Variants in KLRD1 observed in about 807,000 individuals in gnomAD.
KLRD1 encodes the protein natural killer cells antigen CD94.
KLRD1 carries 21 observed loss-of-function variants against 22.6 expected under a neutral mutation model. That is an observed-to-expected ratio of 0.93 (90% CI 0.66 to 1.34). The LOEUF is 1.34. KLRD1 is among the 40% of genes most tolerant of loss of function. The probability of loss-of-function intolerance (pLI) is 0.00; values close to 1 mark genes in which losing one functional copy is unlikely to be tolerated. For synonymous variants in KLRD1, 59 were observed against 71.1 expected (o/e 0.83, Z 0.85); for missense variants, 183 against 208.6 (o/e 0.88, Z 0.76).
intron 1 of KLRD1, among the ~76,000 whole-genome samples, chr12:10,243,085 T>A (rs1295375726): frequency 6.6e-6 from 1 of 152,080 alleles, no homozygotes; most frequent in Non-Finnish European, 1.5e-5. Context: ...AAAGTCAAAC[T>A]TCTAGAAGTA....
chr12:10,245,452 T>C (rs1949282194), intron 1 of KLRD1, among the ~76,000 whole-genome samples: 1 of 152,222 alleles, frequency 6.6e-6, no homozygotes, highest in South Asian at 2.1e-4. Flanking sequence ...AAGAAAGGTT[T>C]ATTCCATTTC....
intron 1 of KLRD1, among the ~76,000 whole-genome samples, chr12:10,278,903 T>C (rs567998509): frequency 1.6e-4 from 24 of 151,888 alleles, no homozygotes; most frequent in Non-Finnish European, 2.6e-4. Flanking sequence ...TTAAATATGA[T>C]AAATGGCTTC....
At chr12:10,249,335 G>A (rs1949323471) in intron 1 of KLRD1, among the ~76,000 whole-genome samples, 2 of 152,142 alleles carry the variant, frequency 1.3e-5, no homozygotes, top group African/African-American at 4.8e-5. Flanking sequence ...AGGAGAAACA[G>A]TATTGAATTG....
chr12:10,295,501 A>AT (rs11383297), intron 1 of KLRD1, among the ~76,000 whole-genome samples: 128,022 of 150,364 alleles, frequency 0.85, 55,817 homozygotes, highest in Middle Eastern at 0.94. Context: ...CAGGTATCCC[A>AT]TTTTTTTTTG....
chr12:10,289,209 C>T (rs1949741399), intron 1 of KLRD1, among the ~76,000 whole-genome samples: 1 of 152,174 alleles, frequency 6.6e-6, no homozygotes, highest in South Asian at 2.1e-4. Flanking sequence ...CTAAAGGCCA[C>T]CCAACAGTTC....
Position 10,307,978 on chromosome 12 carries a change from ATTC to A in KLRD1, c.-97_-95del, listed in dbSNP as rs1200986051. ...AAATTTCTTCATACTCAACTTTCAG[ATTC>A]TTTAATCTCCAGCTCAGCTTCAACA... On this transcript the variant is annotated 5_prime_UTR_variant, in exon 1 of 6. Transcript: ENST00000336164. 3.0e-5 allele frequency: 32 copies of A among 1,071,312 alleles called. No individual in the cohort carries two copies. The highest frequency in any genetic ancestry group is 1.9e-4 in the South Asian group (14 of 74,982). The allele number at this position is 1,071,312 out of a possible 1,614,324, so 66.4% of individuals were successfully genotyped here. A position where few individuals can be genotyped will look rare whatever the true frequency, so the allele number is the denominator to read the frequency against.
chr12:10,245,424 T>C (rs1949281798), intron 1 of KLRD1, among the ~76,000 whole-genome samples: 1 of 152,150 alleles, frequency 6.6e-6, no homozygotes, highest in Admixed American at 6.5e-5. Context: ...AGCTAGCAAT[T>C]GGAACAACTA....
chr12:10,270,241 A>G (rs1565454636), intron 1 of KLRD1, among the ~76,000 whole-genome samples: 1 of 152,222 alleles, frequency 6.6e-6, no homozygotes, highest in Non-Finnish European at 1.5e-5. Context: ...CTTGTATATA[A>G]TTAAAATAAC....
chr12:10,245,674 T>TA lies in KLRD1; in HGVS notation c.-101+19442dup, dbSNP rs113488882. Among the ~76,000 whole-genome samples, 677 of 152,320 alleles carry TA rather than the reference T, an allele frequency of 4.4e-3. 10 individuals are homozygous for TA. The highest frequency in any genetic ancestry group is 0.015 in the African/African-American group (641 of 41,558). On this transcript the variant is annotated intron_variant, in intron 1 of 5. Transcript: ENST00000544747. ...TCTACTTGTCCTCATTGAGCCAACATATAGATAATGACGTATGATTAAATT... is the reference window on the plus strand; with the variant it reads ...TCTACTTGTCCTCATTGAGCCAACATAATAGATAATGACGTATGATTAAATT...
At chr12:10,299,182 G>T (rs11837211) in intron 1 of KLRD1, among the ~76,000 whole-genome samples, 17 of 142,618 alleles carry the variant, frequency 1.2e-4, no homozygotes, top group African/African-American at 3.1e-4. Flanking sequence ...TCCATTCTGC[G>T]TTTTTTTTTT....
intron 1 of KLRD1, among the ~76,000 whole-genome samples, chr12:10,248,479 T>A (rs1336155590): frequency 6.6e-6 from 1 of 152,132 alleles, no homozygotes; most frequent in Non-Finnish European, 1.5e-5. Context: ...AATATTTTAT[T>A]TTTATGTTTA....
intron 1 of KLRD1, among the ~76,000 whole-genome samples, chr12:10,257,874 A>G (rs927701236): frequency 6.6e-6 from 1 of 151,966 alleles, no homozygotes; most frequent in Non-Finnish European, 1.5e-5. Flanking sequence ...TGCCAAGGCA[A>G]TTCTCTATTA....
chr12:10,314,524 C>A, intron 5 of KLRD1, 149 bp from the exon 6 acceptor site: 1 of 557,672 alleles, frequency 1.8e-6, no homozygotes, highest in Non-Finnish European at 2.9e-6. Flanking sequence ...ACTAGAAAAT[C>A]ATGAAAATTG....
intron 1 of KLRD1, among the ~76,000 whole-genome samples, chr12:10,266,939 T>C (rs1173085386): frequency 4.0e-5 from 6 of 151,186 alleles, no homozygotes; most frequent in Non-Finnish European, 8.8e-5. Context: ...GGTTTCTTTT[T>C]TTTCTTATTA....
chr12:10,301,542 A>G (rs1293161765), upstream of KLRD1, among the ~76,000 whole-genome samples: 2 of 152,042 alleles, frequency 1.3e-5, no homozygotes, highest in Non-Finnish European at 2.9e-5. Flanking sequence ...AATTCTTCTC[A>G]TTTTCTTGTT....
chr12:10,288,899 G>A (rs1949737811), intron 1 of KLRD1, among the ~76,000 whole-genome samples: 1 of 152,090 alleles, frequency 6.6e-6, no homozygotes. Flanking sequence ...AATGTTAGAA[G>A]GTGAGTTGGT....
At chr12:10,239,469 C>CTTTCCTTATT (rs373654789) in intron 1 of KLRD1, among the ~76,000 whole-genome samples, 60,748 of 122,250 alleles carry the variant, frequency 0.5, 17,257 homozygotes, top group Middle Eastern at 0.55. Context: ...TTCCTTCCTT[C>CTTTCCTTATT]CTTCCTTCCT....
At chr12:10,304,184 C>T (rs890529008), upstream of KLRD1, among the ~76,000 whole-genome samples, 2 of 152,148 alleles carry the variant, frequency 1.3e-5, no homozygotes, top group African/African-American at 2.4e-5. Context: ...AAACCCAGGC[C>T]TGCAAAAGCA....
chr12:10,248,733 G>C (rs1260637727), intron 1 of KLRD1, among the ~76,000 whole-genome samples: 1 of 151,438 alleles, frequency 6.6e-6, no homozygotes, highest in African/African-American at 2.4e-5. Flanking sequence ...AAGTAGCTGG[G>C]ATTACAGGTG....
Sources: gnomAD v4.1 joint callset for allele counts (sites outside exome capture counted in the v4.1 genomes callset) on GRCh38, gnomAD v4.1.1 for gene constraint, MANE v1.5 for transcripts, NCBI Gene and HGNC (gene_info 2026-07-23, HGNC 2026-07-21) for gene names.